The following KLHL29 variants were observed in gnomAD, a reference collection of about 807,000 sequenced individuals.
KLHL29 encodes the protein kelch-like protein 29.
A neutral mutation model predicts 80.4 loss-of-function variants in KLHL29; 21 were observed. That is an observed-to-expected ratio of 0.26 (90% CI 0.19 to 0.38). KLHL29 has a LOEUF of 0.38. KLHL29 is among the 10% of genes least tolerant of loss of function. The pLI is 1.00. For synonymous variants in KLHL29, 511 were observed against 526.8 expected, an observed-to-expected ratio of 0.97 and a Z score of 0.41; for missense variants, 867 against 1,223.9, an observed-to-expected ratio of 0.71 and a Z score of 4.35.
intron 5 of KLHL29, chr2:23,643,479 C>T (rs189125438): frequency 6.3e-4 from 106 of 167,398 alleles, no homozygotes; most frequent in African/African-American, 2.5e-3. Context: ...AACCCTCTTC[C>T]CCCAGCCTCA....
At chr2:23,461,987 T>TTTTTTTTTTTTTTA (rs1255962353) in intron 1 of KLHL29, among the ~76,000 whole-genome samples, 5 of 150,776 alleles carry the variant, frequency 3.3e-5, no homozygotes, top group African/African-American at 1.2e-4. Flanking sequence ...TTTTTTTTTT[T>TTTTTTTTTTTTTTA]TTAATGACAA....
At chr2:23,629,881 G>C (rs951326906) in intron 3 of KLHL29, among the ~76,000 whole-genome samples, 1 of 152,160 alleles carries the variant, frequency 6.6e-6, no homozygotes, top group African/African-American at 2.4e-5. Flanking sequence ...GGCCTGGCAC[G>C]AGCCTGGAGC....
intron 2 of KLHL29, among the ~76,000 whole-genome samples, chr2:23,530,244 G>A (rs902159979): frequency 7.9e-5 from 12 of 152,272 alleles, no homozygotes; most frequent in African/African-American, 2.6e-4. Flanking sequence ...ATCCTCTTCT[G>A]GCCTTGCCAT....
intron 5 of KLHL29, among the ~76,000 whole-genome samples, chr2:23,654,619 G>T (rs1670183834): frequency 6.6e-6 from 1 of 150,386 alleles, no homozygotes; most frequent in Non-Finnish European, 1.5e-5. Flanking sequence ...TTGGGCTGGG[G>T]TCGGGAGTGC....
At chr2:23,396,033 T>C (rs914193835) in intron 1 of KLHL29, among the ~76,000 whole-genome samples, 2 of 152,248 alleles carry the variant, frequency 1.3e-5, no homozygotes, top group Admixed American at 6.5e-5. Flanking sequence ...CTAGCTGCAG[T>C]TGTCTTGCCA....
intron 2 of KLHL29, among the ~76,000 whole-genome samples, chr2:23,533,182 G>A (rs1040829933): frequency 6.6e-6 from 1 of 152,178 alleles, no homozygotes; most frequent in Non-Finnish European, 1.5e-5. Context: ...GGGGGTCAAA[G>A]GCAGCAGAGA....
chr2:23,602,613 ATTT>A (rs3028904), intron 3 of KLHL29, among the ~76,000 whole-genome samples: 5,885 of 140,284 alleles, frequency 0.042, 398 homozygotes, highest in African/African-American at 0.14. Flanking sequence ...CTCTACGTGA[ATTT>A]TTTTTTTTTT....
At chr2:23,466,284 A>G (rs183592378) in intron 1 of KLHL29, among the ~76,000 whole-genome samples, 238 of 152,328 alleles carry the variant, frequency 1.6e-3, no homozygotes, top group African/African-American at 5.3e-3. Context: ...AATTTTCTCA[A>G]TGGAGTGCAA....
At chr2:23,456,416 G>T (rs1487496689) in intron 1 of KLHL29, among the ~76,000 whole-genome samples, 1 of 152,252 alleles carries the variant, frequency 6.6e-6, no homozygotes, top group Non-Finnish European at 1.5e-5. Context: ...GAAGATGCAG[G>T]TGGAAACATT....
At chr2:23,627,588 T>C (rs1028451702) in intron 3 of KLHL29, among the ~76,000 whole-genome samples, 12 of 152,208 alleles carry the variant, frequency 7.9e-5, no homozygotes, top group Non-Finnish European at 4.4e-5. Flanking sequence ...TCGGTGCACC[T>C]TGCGTCTGAG....
In KLHL29 at chr2:23,708,021, A is replaced by C. The variant is rs1171771701; in HGVS notation, c.*1357A>C. 1 of 152,232 alleles carries C rather than the reference A, an allele frequency of 6.6e-6. No homozygotes were observed. The highest frequency in any genetic ancestry group is 1.5e-5 in the Non-Finnish European group (1 of 68,044). The allele number at this position is 152,232 out of a possible 1,614,324, so 9.4% of individuals were successfully genotyped here. A position where few individuals can be genotyped will look rare whatever the true frequency, so the allele number is the denominator to read the frequency against. On this transcript the variant is annotated 3_prime_UTR_variant, in exon 14 of 14. Coordinates refer to ENST00000486442, the MANE Select transcript of KLHL29 (RefSeq NM_052920.2). ...CTGCCGCCACTGCGCTGTTGAGTTG[A>C]AGTTGGTACCAAATACACATTTACC...
intron 1 of KLHL29, among the ~76,000 whole-genome samples, chr2:23,447,907 G>A (rs1325431997): frequency 6.6e-6 from 1 of 152,116 alleles, no homozygotes; most frequent in Non-Finnish European, 1.5e-5. Flanking sequence ...TTTGTCATCT[G>A]AATTTCAAAA....
intron 1 of KLHL29, among the ~76,000 whole-genome samples, chr2:23,452,903 C>G (rs1027945059): frequency 7.1e-6 from 1 of 140,588 alleles, no homozygotes; most frequent in Non-Finnish European, 1.5e-5. Flanking sequence ...AGACTGGTCA[C>G]CCCCCCGCCC....
At chr2:23,622,421 T>G (rs1287353597) in intron 3 of KLHL29, among the ~76,000 whole-genome samples, 1 of 152,218 alleles carries the variant, frequency 6.6e-6, no homozygotes, top group Admixed American at 6.5e-5. Context: ...GCACCTGTTT[T>G]CTTACCTGAC....
At chr2:23,620,984 G>C (rs965645344) in intron 3 of KLHL29, among the ~76,000 whole-genome samples, 2 of 152,238 alleles carry the variant, frequency 1.3e-5, no homozygotes, top group African/African-American at 4.8e-5. Flanking sequence ...CATGAAACCA[G>C]TGTTCAGGGA....
Position 23,695,824 on chromosome 2 carries a change from A to G in KLHL29, c.1741+3A>G, listed in dbSNP as rs886445737. 2.6e-6 allele frequency: 4 copies of G among 1,547,002 alleles called. No individual in the cohort carries two copies. Among genetic ancestry groups the G allele is most frequent in the African/African-American group, 2.7e-5 (2 of 73,076 alleles). ...AACCCGGCCGCGCCTCTCTGCAGGTATGAAGGGGCACGCCCCGAACCTCCC... is the reference window on the plus strand; with the variant it reads ...AACCCGGCCGCGCCTCTCTGCAGGTGTGAAGGGGCACGCCCCGAACCTCCC... On this transcript the variant is annotated splice_donor_region_variant and intron_variant, in intron 9 of 13. Coordinates refer to ENST00000486442, the MANE Select transcript of KLHL29 (RefSeq NM_052920.2). The surrounding 1 kb of genome is among the most constrained non-coding windows in gnomAD (Gnocchi z 7.6).
chr2:23,690,309 AGAG>A (rs1430476127), intron 6 of KLHL29: 1 of 152,204 alleles, frequency 6.6e-6, no homozygotes, highest in African/African-American at 2.4e-5. Flanking sequence ...ATTTTGCAGA[AGAG>A]GAGGCTGAGG....
intron 3 of KLHL29, among the ~76,000 whole-genome samples, chr2:23,603,149 G>A (rs1242674299): frequency 1.3e-5 from 2 of 152,206 alleles, no homozygotes; most frequent in African/African-American, 4.8e-5. Context: ...GCTCAGGAAA[G>A]CAGGTTTGAG....
At chr2:23,675,459 T>C (rs1670893969) in intron 5 of KLHL29, among the ~76,000 whole-genome samples, 1 of 152,222 alleles carries the variant, frequency 6.6e-6, no homozygotes. Context: ...TGACTCCTAC[T>C]CTGAGCCCAC....
Sources: gnomAD v4.1 joint callset for allele counts (sites outside exome capture counted in the v4.1 genomes callset) on GRCh38, gnomAD v4.1.1 for gene constraint, Gnocchi (gnomAD v3.1) non-coding constraint, MANE v1.5 for transcripts, NCBI Gene and HGNC (gene_info 2026-07-23, HGNC 2026-07-21) for gene names.